UBE3B: variants seen among roughly 807,000 people sequenced by gnomAD.
UBE3B encodes the protein ubiquitin protein ligase E3B, also known as ubiquitin-protein ligase E3B.
In UBE3B, 80 loss-of-function variants were observed where a neutral mutation model predicts 132.3. That is an observed-to-expected ratio of 0.60 (90% CI 0.50 to 0.73). UBE3B has a LOEUF of 0.73. UBE3B is among the 30% of genes least tolerant of loss of function. The probability of loss-of-function intolerance (pLI) is 0.00; values close to 1 mark genes in which losing one functional copy is unlikely to be tolerated. For synonymous variants in UBE3B, 487 were observed against 520.4 expected (o/e 0.94, Z 0.87); for missense variants, 1,196 against 1,362.5 (o/e 0.88, Z 1.92).
chr12:109,503,738 CTG>C (rs994029465), intron 14 of UBE3B, among the ~76,000 whole-genome samples: 23 of 152,350 alleles, frequency 1.5e-4, no homozygotes, highest in African/African-American at 5.3e-4. Context: ...AAAGTCCCCT[CTG>C]TGAGCACAGA....
At chr12:109,514,393 A>G (rs1880743430) in intron 18 of UBE3B, among the ~76,000 whole-genome samples, 1 of 152,210 alleles carries the variant, frequency 6.6e-6, no homozygotes, top group Non-Finnish European at 1.5e-5. Flanking sequence ...GAGGTTGCCC[A>G]GCCCTTGCAG....
chr12:109,502,906 C>T (rs1879172458), intron 13 of UBE3B, 117 bp from the exon 14 acceptor site: 5 of 1,248,688 alleles, frequency 4.0e-6, no homozygotes, highest in South Asian at 1.3e-5. Context: ...AGTGAGTTGC[C>T]CCACTGTCTG....
At chr12:109,533,076 A>G (rs1046934543) in intron 26 of UBE3B, among the ~76,000 whole-genome samples, 3 of 151,166 alleles carry the variant, frequency 2.0e-5, no homozygotes, top group Non-Finnish European at 2.9e-5. Flanking sequence ...TTCTCCTCAC[A>G]TGGTCTCTCT....
intron 9 of UBE3B, among the ~76,000 whole-genome samples, chr12:109,494,026 A>G (rs555285636): frequency 3.9e-5 from 6 of 152,216 alleles, no homozygotes; most frequent in African/African-American, 1.2e-4. Context: ...GGGTCTCACT[A>G]TATTGCCCAG....
intron 19 of UBE3B, among the ~76,000 whole-genome samples, chr12:109,519,069 C>T (rs1295781511): frequency 6.6e-6 from 1 of 152,206 alleles, no homozygotes; most frequent in Non-Finnish European, 1.5e-5. Context: ...GAAGGCTCTT[C>T]TTCCCAGAGG....
Position 109,534,146 on chromosome 12 carries a change from C to T in UBE3B, c.3016-445C>T, listed in dbSNP as rs376253129. On this transcript the variant is annotated intron_variant, in intron 27 of 27. Coordinates refer to ENST00000342494, the MANE Select transcript of UBE3B (RefSeq NM_130466.4). This position sits in a 1 kb window ranked among gnomAD's most constrained non-coding sequence, Gnocchi z 5.2. ...GATGCAGTTTGAGCCCGTGATGCCA[C>T]CTTGTACAGGAAGCTACACAGTCCT... The T allele has an allele frequency of 1.1e-5, 14 of 1,288,712 alleles. No individual in the cohort carries two copies. Among genetic ancestry groups the T allele is most frequent in the Non-Finnish European group, 1.4e-5 (14 of 991,684 alleles). The allele number at this position is 1,288,712 out of a possible 1,614,324, so 79.8% of individuals were successfully genotyped here.
At chr12:109,531,253 G>C (rs1393361720) in intron 26 of UBE3B, among the ~76,000 whole-genome samples, 2 of 152,150 alleles carry the variant, frequency 1.3e-5, no homozygotes. Context: ...CCCAGTTATG[G>C]TGTCTGTAAA....
chr12:109,523,648 G>A (rs1330247372), intron 21 of UBE3B, among the ~76,000 whole-genome samples: 4 of 152,042 alleles, frequency 2.6e-5, no homozygotes, highest in South Asian at 2.1e-4. Context: ...TACTGTGCAC[G>A]TTCCATCCTC....
At chr12:109,523,844 C>G (rs569694852) in intron 21 of UBE3B, 134 bp from the exon 22 acceptor site, 1 of 1,306,234 alleles carries the variant, frequency 7.7e-7, no homozygotes, top group African/African-American at 1.5e-5. Context: ...TACTGCCCTC[C>G]GGATTGGAAA....
At chr12:109,489,767 T>A in intron 7 of UBE3B, 152 bp from the exon 8 acceptor site, 1 of 698,116 alleles carries the variant, frequency 1.4e-6, no homozygotes, top group Non-Finnish European at 2.5e-6. Flanking sequence ...TGCCTTTCTG[T>A]GCTCTGGCAC....
At chr12:109,478,395 A>G (rs916479894) in intron 1 of UBE3B, among the ~76,000 whole-genome samples, 1 of 152,196 alleles carries the variant, frequency 6.6e-6, no homozygotes. Flanking sequence ...ATTCAAAAGC[A>G]TCCACCTTAG....
Position 109,490,379 on chromosome 12 carries a change from GCCAGATCATACCT to G in UBE3B, c.630+377_630+389del. On this transcript the variant is annotated intron_variant, in intron 8 of 27. Transcript: ENST00000342494. ...CCCTTTCCACTTTGTACCTTGTTGT[GCCAGATCATACCT>G]CTAGGGAATTGTTGAGAAAGCCTGA... 4 of 1,498,234 alleles carry G rather than the reference GCCAGATCATACCT, an allele frequency of 2.7e-6. No homozygotes were observed. The South Asian group carries it at 5.2e-5, about 19-fold the overall frequency. The allele number at this position is 1,498,234 out of a possible 1,614,324, so 92.8% of individuals were successfully genotyped here.
At chr12:109,546,511 G>A in the UBE3B span, among the ~76,000 whole-genome samples, 2 of 152,238 alleles carry the variant, frequency 1.3e-5, no homozygotes, top group Admixed American at 6.5e-5. Flanking sequence ...TTAGGATGCT[G>A]TGGGCGTGAA....
At chr12:109,523,337 A>G (rs932549332) in intron 21 of UBE3B, among the ~76,000 whole-genome samples, 7 of 152,276 alleles carry the variant, frequency 4.6e-5, no homozygotes, top group Non-Finnish European at 8.8e-5. Context: ...ATAAAAGTGC[A>G]GCTCTGTCCC....
intron 24 of UBE3B, among the ~76,000 whole-genome samples, chr12:109,527,337 T>G (rs750166728): frequency 3.7e-4 from 57 of 152,230 alleles, no homozygotes; most frequent in Admixed American, 2.0e-4. Context: ...CAGTGGAGCC[T>G]GGCATGAGAA....
At chr12:109,539,638 A>G (rs1345373488), downstream of UBE3B, among the ~76,000 whole-genome samples, 1 of 152,216 alleles carries the variant, frequency 6.6e-6, no homozygotes, top group Non-Finnish European at 1.5e-5. Flanking sequence ...TGAGCCATCA[A>G]TGACTCATGG....
At chr12:109,502,942 C>A in intron 13 of UBE3B, 81 bp from the exon 14 acceptor site, 1 of 1,567,444 alleles carries the variant, frequency 6.4e-7, no homozygotes, top group Non-Finnish European at 8.8e-7. Flanking sequence ...TAGAGCTTTA[C>A]TGAAATGCTC....
In UBE3B at chr12:109,535,619, C is replaced by T. The variant is rs1317350873; in HGVS notation, c.*837C>T. On this transcript the variant is annotated 3_prime_UTR_variant, in exon 28 of 28. Coordinates refer to ENST00000342494, the MANE Select transcript of UBE3B (RefSeq NM_130466.4). The stretch of plus-strand genomic sequence containing the variant: ...CCCGCGGAGGACGGCTGCCTTTGAC[C>T]CTGCTTATTTGTCTCACTGGTTATC... 1 of 152,218 alleles carries T rather than the reference C, an allele frequency of 6.6e-6. No homozygotes were observed. Among genetic ancestry groups the T allele is most frequent in the East Asian group, 1.9e-4 (1 of 5,190 alleles). The allele number at this position is 152,218 out of a possible 1,614,324, so 9.4% of individuals were successfully genotyped here.
At chr12:109,499,408 G>A (rs527596645) in intron 11 of UBE3B, among the ~76,000 whole-genome samples, 12 of 152,284 alleles carry the variant, frequency 7.9e-5, no homozygotes, top group South Asian at 2.1e-4. Context: ...ATGGGTTGAC[G>A]GCCACGGCTC....
Sources: allele counts gnomAD v4.1 joint callset (sites outside exome capture counted in the v4.1 genomes callset), GRCh38; gene constraint gnomAD v4.1.1; non-coding constraint Gnocchi (gnomAD v3.1); transcripts MANE v1.5; gene names NCBI Gene and HGNC (gene_info 2026-07-23, HGNC 2026-07-21).